OPCML: variants seen among roughly 807,000 people sequenced by gnomAD.
OPCML encodes opioid binding protein/cell adhesion molecule like, also known as opioid-binding protein/cell adhesion molecule.
In OPCML, 13 loss-of-function variants were observed where a neutral mutation model predicts 37.8. The observed-to-expected ratio is 0.34, with a 90% CI of 0.22 to 0.55. OPCML has a LOEUF of 0.55. OPCML is among the 20% of genes least tolerant of loss of function. The pLI is 0.91. For missense variants in OPCML, 341 were observed against 435.6 expected (o/e 0.78, Z 1.93); for synonymous variants, 176 against 168.8 (o/e 1.04, Z -0.33).
rs187071983 is a variant in OPCML at position 132,735,129 on chromosome 11, T to C, written c.147-77810A>G. Among the ~76,000 whole-genome samples, 1,299 of 152,324 alleles carry C rather than the reference T, an allele frequency of 8.5e-3. 28 individuals are homozygous for C. Among genetic ancestry groups the C allele is most frequent in the Admixed American group, 0.055 (840 of 15,304 alleles). ...TAAATATAAAGGACCCAGAGCGTAC[T>C]GGTTTTGAATACTCCCAGAATCTCT... is the stretch of plus-strand genomic sequence containing the variant. On this transcript the variant is annotated intron_variant, in intron 2 of 7. Coordinates refer to ENST00000524381, the MANE Select transcript of OPCML (RefSeq NM_001012393.5).
intron 1 of OPCML, among the ~76,000 whole-genome samples, chr11:133,010,111 A>G (rs1565395946): frequency 6.6e-6 from 1 of 151,844 alleles, no homozygotes; most frequent in African/African-American, 2.4e-5. Flanking sequence ...TGTCCTGTCC[A>G]CTCTTCAAGG....
At chr11:133,308,202 A>C (rs1239244885) in intron 1 of OPCML, among the ~76,000 whole-genome samples, 1 of 152,162 alleles carries the variant, frequency 6.6e-6, no homozygotes, top group Non-Finnish European at 1.5e-5. Flanking sequence ...AATCACCAGC[A>C]ATACCTGTTT....
At chr11:132,861,352 G>A (rs1470439345) in intron 2 of OPCML, among the ~76,000 whole-genome samples, 3 of 152,176 alleles carry the variant, frequency 2.0e-5, no homozygotes, top group East Asian at 1.9e-4. Context: ...CAGTTTCCTC[G>A]ACTGAAAAAC....
chr11:132,559,336 G>A (rs147522680), intron 3 of OPCML, among the ~76,000 whole-genome samples: 1 of 152,238 alleles, frequency 6.6e-6, no homozygotes, highest in East Asian at 1.9e-4. Context: ...GGGGCAAAAG[G>A]GAAAAGGAGG....
At chr11:133,508,981 T>C (rs1948098207) in intron 1 of OPCML, among the ~76,000 whole-genome samples, 1 of 152,162 alleles carries the variant, frequency 6.6e-6, no homozygotes, top group Non-Finnish European at 1.5e-5. Context: ...AGTTCGTTTT[T>C]TTTTTTAAAT....
At chr11:132,700,272 T>C (rs1434686630) in intron 2 of OPCML, among the ~76,000 whole-genome samples, 3 of 152,162 alleles carry the variant, frequency 2.0e-5, no homozygotes, top group Non-Finnish European at 2.9e-5. Context: ...TTGTTTATTG[T>C]TTTCAGTCTT....
At position 132,943,188 on chromosome 11, in the gene OPCML, G is replaced by A. The variant is rs1945645015; in HGVS notation, c.62-178C>T. The A allele has an allele frequency of 6.3e-7, 1 of 1,575,186 alleles. No homozygotes were observed. The highest frequency in any genetic ancestry group is 8.7e-7 in the Non-Finnish European group (1 of 1,154,774). On this transcript the variant is annotated intron_variant, in intron 1 of 7. Coordinates refer to ENST00000524381, the MANE Select transcript of OPCML (RefSeq NM_001012393.5). This position sits in a 1 kb window ranked among gnomAD's most constrained non-coding sequence, Gnocchi z 4.3. ...GGCTCGGGAAGCGGTGCGGGGAGGA[G>A]GGAAGGGGCAGAGTTCGCCAGGAGC...
At chr11:133,144,262 C>T (rs182155133) in intron 1 of OPCML, among the ~76,000 whole-genome samples, 4 of 152,336 alleles carry the variant, frequency 2.6e-5, no homozygotes, top group South Asian at 2.1e-4. Context: ...CAGCCCCATG[C>T]GACCATGGCA....
intron 1 of OPCML, among the ~76,000 whole-genome samples, chr11:133,517,741 C>G (rs1478251049): frequency 6.6e-6 from 1 of 152,204 alleles, no homozygotes; most frequent in Non-Finnish European, 1.5e-5. Flanking sequence ...AGGGACACAT[C>G]TCAGCAAGAA....
At chr11:133,121,055 T>C (rs1056075855) in intron 1 of OPCML, among the ~76,000 whole-genome samples, 8 of 152,190 alleles carry the variant, frequency 5.3e-5, no homozygotes, top group Non-Finnish European at 1.2e-4. Flanking sequence ...CCCAAGTAGC[T>C]GGGACTACAG....
In OPCML at chr11:133,004,042, C is replaced by G. The variant is rs554036527; in HGVS notation, c.62-61032G>C. On this transcript the variant is annotated intron_variant, in intron 1 of 7. Coordinates refer to ENST00000524381, the MANE Select transcript of OPCML (RefSeq NM_001012393.5). The stretch of plus-strand genomic sequence containing the variant: ...CCGCTCTGGAGTCAGGCGGAAATGC[C>G]AGCTGGGAAGGAGGAAGCGAAGAGG... The G allele has an allele frequency of 3.0e-6, 3 of 985,382 alleles. No homozygotes were observed. The African/African-American group carries it at 5.2e-5, about 17-fold the overall frequency. 61.0% of individuals were successfully genotyped at this position (985,382 alleles called of 1,614,324 possible). A position where few individuals can be genotyped will look rare whatever the true frequency, so the allele number is the denominator to read the frequency against.
At chr11:133,425,094 T>C (rs1166324392) in intron 1 of OPCML, among the ~76,000 whole-genome samples, 1 of 152,350 alleles carries the variant, frequency 6.6e-6, no homozygotes, top group East Asian at 1.9e-4. Context: ...GAAAGATAGA[T>C]TGTTCAGCTG....
intron 1 of OPCML, among the ~76,000 whole-genome samples, chr11:133,374,083 G>A (rs1944744571): frequency 6.6e-6 from 1 of 152,108 alleles, no homozygotes; most frequent in Non-Finnish European, 1.5e-5. Flanking sequence ...ATCTGTAATA[G>A]CCGAAACCTG....
chr11:133,471,867 G>A (rs1947124014), intron 1 of OPCML, among the ~76,000 whole-genome samples: 1 of 152,184 alleles, frequency 6.6e-6, no homozygotes, highest in South Asian at 2.1e-4. Flanking sequence ...TTAAGGGTGT[G>A]GAAATGGTCC....
At chr11:132,457,572 C>T (rs764361559) in intron 4 of OPCML, among the ~76,000 whole-genome samples, 1 of 152,214 alleles carries the variant, frequency 6.6e-6, no homozygotes, top group South Asian at 2.1e-4. Flanking sequence ...ACCAATATAA[C>T]AGCAAACCTT....
chr11:133,252,353 G>A (rs968306704), intron 1 of OPCML, among the ~76,000 whole-genome samples: 10 of 152,068 alleles, frequency 6.6e-5, no homozygotes, highest in Non-Finnish European at 1.2e-4. Context: ...ATGAAGCTTC[G>A]GGTAAAGTAT....
chr11:132,512,903 T>A (rs10791235), intron 4 of OPCML, among the ~76,000 whole-genome samples: 30,329 of 151,710 alleles, frequency 0.2, 3,119 homozygotes, highest in Non-Finnish European at 0.22. Context: ...TGTATCTTGA[T>A]TAGGATAGTG....
At position 132,943,451 on chromosome 11, in the gene OPCML, A is replaced by T; in HGVS notation, c.62-441T>A. 3.0e-6 allele frequency: 1 copy of T among 330,918 alleles called. No homozygotes were observed. The highest frequency in any genetic ancestry group is 5.7e-6 in the Non-Finnish European group (1 of 174,340). The allele number at this position is 330,918 out of a possible 1,614,324, so 20.5% of individuals were successfully genotyped here. A position where few individuals can be genotyped will look rare whatever the true frequency, so the allele number is the denominator to read the frequency against. On this transcript the variant is annotated intron_variant, in intron 1 of 7. Coordinates refer to ENST00000524381, the MANE Select transcript of OPCML (RefSeq NM_001012393.5). This position sits in a 1 kb window ranked among gnomAD's most constrained non-coding sequence, Gnocchi z 4.3. The stretch of plus-strand genomic sequence containing the variant: ...GCCTCTCTCTTCGAGACGCTACTTT[A>T]AGATTCAGTTGGGCACGTTCTGCAG...
intron 1 of OPCML, among the ~76,000 whole-genome samples, chr11:133,218,045 CAA>C (rs112195465): frequency 6.9e-6 from 1 of 144,618 alleles, no homozygotes; most frequent in Non-Finnish European, 1.5e-5. Flanking sequence ...TACCCTGTCT[CAA>C]AAAAAAAAAC....
Sources: allele counts gnomAD v4.1 joint callset (sites outside exome capture counted in the v4.1 genomes callset), GRCh38; gene constraint gnomAD v4.1.1; non-coding constraint Gnocchi (gnomAD v3.1); transcripts MANE v1.5; gene names NCBI Gene and HGNC (gene_info 2026-07-23, HGNC 2026-07-21).